USP44: variants seen among roughly 807,000 people sequenced by gnomAD.
USP44 encodes ubiquitin specific peptidase 44.
USP44 carries 61 observed loss-of-function variants against 69.0 expected under a neutral mutation model. The ratio of observed to expected loss-of-function variants is 0.88; its 90% CI spans 0.72 to 1.09. The LOEUF (loss-of-function observed/expected upper bound fraction) is 1.09, where lower values mean the gene tolerates loss of function less well. Among genes scored for constraint, USP44 ranks in the 50% least tolerant of loss-of-function variants. USP44 has a pLI of 0.00. For synonymous variants in USP44, 297 were observed against 295.4 expected, an observed-to-expected ratio of 1.01 and a Z score of -0.06; for missense variants, 753 against 849.9, an observed-to-expected ratio of 0.89 and a Z score of 1.42.
intron 1 of USP44, chr12:95,547,883 G>A (rs1471356958): frequency 6.6e-6 from 1 of 152,170 alleles, no homozygotes; most frequent in African/African-American, 2.4e-5. Flanking sequence ...TAAAAACTGC[G>A]AGCTACCAGT....
intron 4 of USP44, among the ~76,000 whole-genome samples, chr12:95,522,765 C>T (rs980624124): frequency 8.0e-5 from 10 of 124,678 alleles, no homozygotes; most frequent in Non-Finnish European, 1.4e-4. Flanking sequence ...GCGACAAGAG[C>T]GAAATTCTGG....
chr12:95,547,272 T>G (rs112945104), intron 1 of USP44, among the ~76,000 whole-genome samples: 2 of 152,350 alleles, frequency 1.3e-5, no homozygotes, highest in African/African-American at 4.8e-5. Flanking sequence ...TCTCTACATT[T>G]GAATTTGGAT....
At chr12:95,524,482 G>A in intron 4 of USP44, 198 bp downstream of exon 4, 1 of 416,850 alleles carries the variant, frequency 2.4e-6, no homozygotes, top group Non-Finnish European at 4.2e-6. Context: ...AGGTGACAGA[G>A]TGAGACTCGA....
At chr12:95,535,817 T>C (rs1243574116) in intron 1 of USP44, among the ~76,000 whole-genome samples, 1 of 152,164 alleles carries the variant, frequency 6.6e-6, no homozygotes, top group Non-Finnish European at 1.5e-5. Flanking sequence ...CTATGTATCA[T>C]GACCAAGGCA....
chr12:95,530,024 G>A (rs2076970005), intron 2 of USP44, among the ~76,000 whole-genome samples: 1 of 152,162 alleles, frequency 6.6e-6, no homozygotes, highest in Non-Finnish European at 1.5e-5. Flanking sequence ...AGTAACTTCA[G>A]TGAAACATTC....
intron 2 of USP44, among the ~76,000 whole-genome samples, chr12:95,530,364 T>C (rs572822641): frequency 2.3e-4 from 35 of 152,166 alleles, no homozygotes; most frequent in Admixed American, 5.9e-4. Context: ...CTCATGCCTG[T>C]AATCCCAGCA....
intron 5 of USP44, among the ~76,000 whole-genome samples, chr12:95,519,432 A>ATTTTTTTT (rs60940181): frequency 1.5e-4 from 13 of 84,540 alleles, no homozygotes; most frequent in Non-Finnish European, 2.2e-4. Context: ...CTCAATCTGT[A>ATTTTTTTT]TTTTTTTTTT....
In USP44 at chr12:95,528,858, T is replaced by A. The variant is rs2076932817; in HGVS notation, c.1573A>T (p.Thr525Ser). 6.2e-7 allele frequency: 1 copy of A among 1,614,106 alleles called. No homozygotes were observed. Among genetic ancestry groups the A allele is most frequent in the South Asian group, 1.1e-5 (1 of 91,082 alleles). Residue 525 changes from threonine to serine, a missense_variant, in exon 3 of 6, where the codon ACA becomes TCA. Coordinates refer to ENST00000258499, the MANE Select transcript of USP44 (RefSeq NM_032147.5). ...TTTCCTTCTAAAGCTTCAGTTTCTG[T>A]AAATTTGGCCAACATTTCAGTAACC... Reference protein sequence around the residue: ...CLVTEMLAKFTETEALEGKIY... With the variant: ...CLVTEMLAKFSETEALEGKIY...
chr12:95,545,299 G>GAA (rs775776373), intron 1 of USP44, among the ~76,000 whole-genome samples: 1 of 137,212 alleles, frequency 7.3e-6, no homozygotes. Flanking sequence ...AAACAAAAAC[G>GAA]AAAAAAAAAA....
At position 95,524,767 on chromosome 12, in the gene USP44, G is replaced by C. The variant is rs2076781364; in HGVS notation, c.1646C>G (p.Ser549Cys). 1 of 1,609,612 alleles carries C rather than the reference G, an allele frequency of 6.2e-7. No individual in the cohort carries two copies. Among genetic ancestry groups the C allele is most frequent in the Non-Finnish European group, 8.5e-7 (1 of 1,178,874 alleles). The change falls in exon 4 of 6, where the codon TCC becomes TGC. Residue 549 changes from serine to cysteine, a missense_variant. Physicochemically the swap from Ser to Cys is moderately radical, Grantham distance 112. Transcript: ENST00000258499. ...QCNSKRRRFS[S>C]KPVVLTEAQK... ...GGCTTCTGTGAGTACAACTGGTTTG[G>C]AGGAAAACCTTCTACGCTTTGCTGT...
intron 2 of USP44, among the ~76,000 whole-genome samples, chr12:95,532,167 G>GTTTTTTT (rs1272256143): frequency 4.7e-5 from 6 of 126,680 alleles, no homozygotes; most frequent in African/African-American, 1.5e-4. Flanking sequence ...CTTTCTTTGG[G>GTTTTTTT]TTTTTTTTTT....
At chr12:95,549,414 AATG>A (rs2077682465) in intron 1 of USP44, among the ~76,000 whole-genome samples, 2 of 152,158 alleles carry the variant, frequency 1.3e-5, no homozygotes, top group African/African-American at 4.8e-5. Flanking sequence ...CCATTTAAAT[AATG>A]AAGTACATAC....
chr12:95,536,928 A>G (rs1188116934), intron 1 of USP44, among the ~76,000 whole-genome samples: 1 of 152,202 alleles, frequency 6.6e-6, no homozygotes, highest in Non-Finnish European at 1.5e-5. Flanking sequence ...GACTCAGAGA[A>G]TTACTTGCCC....
chr12:95,538,924 A>G (rs2077293314), intron 1 of USP44, among the ~76,000 whole-genome samples: 1 of 152,250 alleles, frequency 6.6e-6, no homozygotes, highest in Admixed American at 6.5e-5. Flanking sequence ...GAAGCTATGC[A>G]TTCGCTCTGG....
chr12:95,534,803 G>A (rs1355627712), intron 1 of USP44, among the ~76,000 whole-genome samples: 1 of 151,936 alleles, frequency 6.6e-6, no homozygotes, highest in Non-Finnish European at 1.5e-5. Context: ...AGCCTCCCGG[G>A]TAGCTGGGAT....
At chr12:95,549,040 C>A (rs375917923) in intron 1 of USP44, among the ~76,000 whole-genome samples, 2 of 152,290 alleles carry the variant, frequency 1.3e-5, no homozygotes, top group South Asian at 4.1e-4. Flanking sequence ...CCTCCCCGGG[C>A]GGGCTTCGCA....
Position 95,528,863 on chromosome 12 carries a change from T to C in USP44, c.1568A>G (p.Lys523Arg). 1 of 1,614,074 alleles carries C rather than the reference T, an allele frequency of 6.2e-7. No individual in the cohort carries two copies. Among genetic ancestry groups the C allele is most frequent in the South Asian group, 1.1e-5 (1 of 91,074 alleles). Residue 523 changes from lysine to arginine, a missense_variant, in exon 3 of 6, where the codon AAA (lysine) becomes AGA (arginine). Coordinates refer to ENST00000258499, the MANE Select transcript of USP44 (RefSeq NM_032147.5). Reference sequence around the variant, plus strand: ...TTCTAAAGCTTCAGTTTCTGTAAATTTGGCCAACATTTCAGTAACCAGACA... The same window carrying C: ...TTCTAAAGCTTCAGTTTCTGTAAATCTGGCCAACATTTCAGTAACCAGACA... ...QPCLVTEMLAKFTETEALEGK... is the reference protein window; with the variant it reads ...QPCLVTEMLARFTETEALEGK...
chr12:95,532,563 T>C (rs2077054926), intron 2 of USP44, among the ~76,000 whole-genome samples: 1 of 152,148 alleles, frequency 6.6e-6, no homozygotes, highest in Non-Finnish European at 1.5e-5. Flanking sequence ...ATAATGAATG[T>C]AATATTGGTA....
In USP44 at chr12:95,519,636, G is replaced by A. The variant is rs866343652; in HGVS notation, c.1940-1283C>T. Among the ~76,000 whole-genome samples, 496 of 150,588 alleles carry A rather than the reference G, an allele frequency of 3.3e-3. 2 individuals carry two copies. Among genetic ancestry groups the A allele is most frequent in the African/African-American group, 0.011 (471 of 41,256 alleles). On this transcript the variant is annotated intron_variant, in intron 5 of 5. Transcript: ENST00000258499. ...TTTTTTTTTATTTTTAGTAGAGACGGGGTTTCACCGTGGTCTCGATCTCCT... is the reference window on the plus strand; with the variant it reads ...TTTTTTTTTATTTTTAGTAGAGACGAGGTTTCACCGTGGTCTCGATCTCCT...
Sources: gnomAD v4.1 joint callset for allele counts (sites outside exome capture counted in the v4.1 genomes callset) on GRCh38, gnomAD v4.1.1 for gene constraint, MANE v1.5 for transcripts, NCBI Gene and HGNC (gene_info 2026-07-23, HGNC 2026-07-21) for gene names.